HPF1: variants seen among roughly 807,000 people sequenced by gnomAD.
HPF1 encodes the protein UPF0609 protein C4orf27.
A neutral mutation model predicts 38.8 loss-of-function variants in HPF1; 35 were observed. The observed-to-expected ratio is 0.90, with a 90% CI of 0.69 to 1.19. HPF1 has a LOEUF of 1.19. HPF1 is among the 50% of genes most tolerant of loss of function. HPF1 has a pLI of 0.00. For missense variants in HPF1, 367 were observed against 405.8 expected, an observed-to-expected ratio of 0.90 and a Z score of 0.82; for synonymous variants, 115 against 139.2, an observed-to-expected ratio of 0.83 and a Z score of 1.22.
rs1332526904 is a variant in HPF1 at position 169,737,649 on chromosome 4, A to T, written c.736+11T>A. ...AACATATATGCACATGTTTACTATG[A>T]AATACATTACCATCTGTTTCAGGGA... is the stretch of plus-strand genomic sequence containing the variant. On this transcript the variant is annotated intron_variant, in intron 6 of 7. Transcript: ENST00000393381. 1 of 1,521,606 alleles carries T rather than the reference A, an allele frequency of 6.6e-7. No homozygotes were observed. The highest frequency in any genetic ancestry group is 1.7e-5 in the Admixed American group (1 of 59,874). The allele number at this position is 1,521,606 out of a possible 1,614,324, so 94.3% of individuals were successfully genotyped here. A position where few individuals can be genotyped will look rare whatever the true frequency, so the allele number is the denominator to read the frequency against.
chr4:169,746,985 CTTT>C (rs372582807), intron 4 of HPF1, among the ~76,000 whole-genome samples: 1 of 48,212 alleles, frequency 2.1e-5, no homozygotes, highest in East Asian at 5.6e-4. Context: ...ATTATGTTAT[CTTT>C]TTTTAAAAAA....
chr4:169,741,652 A>G (rs1180630943), intron 5 of HPF1, among the ~76,000 whole-genome samples: 1 of 152,236 alleles, frequency 6.6e-6, no homozygotes, highest in East Asian at 1.9e-4. Flanking sequence ...CTTTCACTTA[A>G]CTTTATGAAG....
chr4:169,740,733 T>C (rs1182991600), intron 5 of HPF1, among the ~76,000 whole-genome samples: 4 of 152,174 alleles, frequency 2.6e-5, no homozygotes, highest in Admixed American at 2.6e-4. Flanking sequence ...TGAAACTTCA[T>C]AGGGGAGGGG....
At position 169,757,848 on chromosome 4, in the gene HPF1, G is replaced by A. The variant is rs61997073; in HGVS notation, c.30C>T (p.Pro10=). 6.4e-7 allele frequency: 1 copy of A among 1,565,064 alleles called. No homozygotes were observed. The highest frequency in any genetic ancestry group is 8.6e-7 in the Non-Finnish European group (1 of 1,162,620). MVGGGGKRR[P]GGEGPQCEKT... Reference sequence around the variant, plus strand: ...GCAGTACCTGCGGCCCCTCTCCGCCGGGCCTGCGCTTCCCGCCACCGCCGA... The same window carrying A: ...GCAGTACCTGCGGCCCCTCTCCGCCAGGCCTGCGCTTCCCGCCACCGCCGA... The change falls in exon 1 of 8, where the codon CCC becomes CCT. Residue 10 remains proline (P), a synonymous_variant. Coordinates refer to ENST00000393381, the MANE Select transcript of HPF1 (RefSeq NM_017867.3).
chr4:169,737,621 A>C, intron 6 of HPF1, 39 bp downstream of exon 6: 3 of 1,246,388 alleles, frequency 2.4e-6, no homozygotes, highest in Non-Finnish European at 3.6e-6. Flanking sequence ...ATTCATGTGC[A>C]TTAACATATA....
At chr4:169,752,419 T>A (rs78310431) in intron 2 of HPF1, among the ~76,000 whole-genome samples, 7,835 of 152,222 alleles carry the variant, frequency 0.051, 680 homozygotes, top group African/African-American at 0.18. Flanking sequence ...CAATACACAT[T>A]TCCATCAATA....
intron 7 of HPF1, 113 bp from the exon 8 acceptor site, chr4:169,729,822 TA>T (rs1409787863): frequency 2.7e-6 from 2 of 739,344 alleles, no homozygotes; most frequent in African/African-American, 3.7e-5. Flanking sequence ...AAAATCATTT[TA>T]GCTACACCCT....
intron 3 of HPF1, among the ~76,000 whole-genome samples, 185 bp from the exon 4 acceptor site, chr4:169,749,027 C>G (rs1581321730): frequency 1.3e-5 from 2 of 150,314 alleles, no homozygotes; most frequent in East Asian, 2.0e-4. Context: ...ATGGAAAAGG[C>G]AAGTTGCAGT....
At chr4:169,731,569 T>C in intron 7 of HPF1, 135 bp downstream of exon 7, 1 of 599,794 alleles carries the variant, frequency 1.7e-6, no homozygotes, top group Non-Finnish European at 2.7e-6. Context: ...CATTTTGAAA[T>C]ACAAGCTGAA....
At chr4:169,755,960 TG>T (rs1045231278) in intron 1 of HPF1, among the ~76,000 whole-genome samples, 7 of 152,298 alleles carry the variant, frequency 4.6e-5, no homozygotes, top group Non-Finnish European at 1.0e-4. Flanking sequence ...ATCATGAATA[TG>T]GTAACAGTTT....
chr4:169,752,830 T>C (rs947548393), intron 2 of HPF1, among the ~76,000 whole-genome samples: 1 of 152,146 alleles, frequency 6.6e-6, no homozygotes, highest in African/African-American at 2.4e-5. Flanking sequence ...GCAGAACTGT[T>C]ATAACTCCTG....
At chr4:169,757,805 G>A in intron 1 of HPF1, 25 bp downstream of exon 1, 6 of 1,554,026 alleles carry the variant, frequency 3.9e-6, no homozygotes, top group Non-Finnish European at 5.2e-6. Context: ...GCCCCGCGTA[G>A]CCCGCACAGC....
chr4:169,752,258 C>T (rs1351294094), intron 2 of HPF1, among the ~76,000 whole-genome samples: 2 of 150,308 alleles, frequency 1.3e-5, no homozygotes, highest in African/African-American at 4.9e-5. Flanking sequence ...GCAACCTCCG[C>T]CTCCTGGGTT....
chr4:169,729,693 G>A lies in HPF1; in HGVS notation c.926C>T (p.Ala309Val). 1 of 1,519,266 alleles carries A rather than the reference G, an allele frequency of 6.6e-7. No homozygotes were observed. Among genetic ancestry groups the A allele is most frequent in the African/African-American group, 1.4e-5 (1 of 70,676 alleles). 94.1% of individuals were successfully genotyped at this position (1,519,266 alleles called of 1,614,324 possible). Residue 309 changes from alanine to valine, a missense_variant, in exon 8 of 8, where the codon GCT becomes GTT. By Grantham distance (64) the Ala-to-Val change is moderately conservative. Coordinates refer to ENST00000393381, the MANE Select transcript of HPF1 (RefSeq NM_017867.3). ...CYGSHYFHKV[A>V]GQLLPLAYNL... ...ATATGCAAGAGGTAAAAGCTGGCCA[G>A]CAACTTTATGAAAATACTGAAAAAT... is the stretch of plus-strand genomic sequence containing the variant.
At chr4:169,743,268 C>G (rs1734002157) in intron 4 of HPF1, among the ~76,000 whole-genome samples, 1 of 151,856 alleles carries the variant, frequency 6.6e-6, no homozygotes, top group Non-Finnish European at 1.5e-5. Context: ...TGCCACCACG[C>G]CCAGCTAATT....
intron 1 of HPF1, among the ~76,000 whole-genome samples, chr4:169,756,933 T>C (rs1421719876): frequency 1.3e-5 from 2 of 152,228 alleles, no homozygotes; most frequent in Non-Finnish European, 2.9e-5. Context: ...CTTCCTAGAA[T>C]GCATGACCCA....
intron 3 of HPF1, among the ~76,000 whole-genome samples, chr4:169,749,720 CAAAAA>C (rs11413826): frequency 1.6e-5 from 2 of 127,306 alleles, no homozygotes; most frequent in Admixed American, 8.1e-5. Context: ...TACTCAAATA[CAAAAA>C]AAAAAAAAAA....
Position 169,731,689 on chromosome 4 carries a change from G to C in HPF1, c.909+15C>G, listed in dbSNP as rs753891948. The C allele has an allele frequency of 6.7e-7, 1 of 1,502,380 alleles. No homozygotes were observed. The highest frequency in any genetic ancestry group is 2.4e-5 in the East Asian group (1 of 40,972). The allele number at this position is 1,502,380 out of a possible 1,614,324, so 93.1% of individuals were successfully genotyped here. ...GTGTGGCAGTGGGTAGAAGGTGGAG[G>C]GTTTTTTTACTCACATGTGAGCCAT... On this transcript the variant is annotated intron_variant, in intron 7 of 7. Coordinates refer to ENST00000393381, the MANE Select transcript of HPF1 (RefSeq NM_017867.3).
intron 4 of HPF1, among the ~76,000 whole-genome samples, chr4:169,742,451 C>G (rs1208333835): frequency 6.6e-6 from 1 of 152,054 alleles, no homozygotes; most frequent in African/African-American, 2.4e-5. Context: ...TTGGAGAAGT[C>G]TGACCTAACA....
Sources: allele counts gnomAD v4.1 joint callset (sites outside exome capture counted in the v4.1 genomes callset), GRCh38; gene constraint gnomAD v4.1.1; transcripts MANE v1.5; gene names NCBI Gene and HGNC (gene_info 2026-07-23, HGNC 2026-07-21).